The following MLLT6 variants were observed in gnomAD, a reference collection of about 807,000 sequenced individuals.
MLLT6 encodes the protein MLLT6, PHD finger containing.
MLLT6 carries 22 observed loss-of-function variants against 103.0 expected under a neutral mutation model. The observed-to-expected ratio is 0.21, with a 90% confidence interval of 0.15 to 0.31. MLLT6 has a LOEUF of 0.31. Ranked by LOEUF, MLLT6 falls within the 10% of genes least tolerant of loss-of-function variation. MLLT6 has a pLI of 1.00. For synonymous variants in MLLT6, 606 were observed against 623.5 expected (o/e 0.97, Z 0.42); for missense variants, 1,199 against 1,441.7 (o/e 0.83, Z 2.73).
chr17:38,721,808 TG>T, intron 16 of MLLT6, 69 bp from the exon 17 acceptor site: 2 of 1,067,812 alleles, frequency 1.9e-6, no homozygotes, highest in Non-Finnish European at 2.6e-6. Context: ...AGAATGCTGG[TG>T]GGTGCTGGGC....
In MLLT6 at chr17:38,719,324, C is replaced by T. The variant is rs1421417403; in HGVS notation, c.1943-193C>T. On this transcript the variant is annotated intron_variant, in intron 12 of 19. Coordinates refer to ENST00000621332, the MANE Select transcript of MLLT6 (RefSeq NM_005937.4). ...CCAGAGGAGGAAGAGAGCAGATGCC[C>T]GGGGTTTGCCTCCCAGGGGCAGGGT... 4 of 595,240 alleles carry T rather than the reference C, an allele frequency of 6.7e-6. No homozygotes were observed. In the Admixed American group the frequency reaches 8.9e-5, roughly 13 times the overall value. 36.9% of individuals were successfully genotyped at this position (595,240 alleles called of 1,614,324 possible). A position where few individuals can be genotyped will look rare whatever the true frequency, so the allele number is the denominator to read the frequency against.
At chr17:38,720,784 A>G (rs775405824) in intron 16 of MLLT6, 37 bp downstream of exon 16, 8 of 1,577,082 alleles carry the variant, frequency 5.1e-6, no homozygotes, top group Non-Finnish European at 6.1e-6. Flanking sequence ...AAGGAGGGGG[A>G]GACTCAAGGC....
At chr17:38,722,393 T>C (rs1384680261) in intron 17 of MLLT6, among the ~76,000 whole-genome samples, 166 bp downstream of exon 17, 1 of 152,162 alleles carries the variant, frequency 6.6e-6, no homozygotes, top group African/African-American at 2.4e-5. Context: ...CTCCACAGAC[T>C]GTTAGACATG....
chr17:38,712,346 C>T (rs760558993), intron 7 of MLLT6, among the ~76,000 whole-genome samples: 6 of 152,194 alleles, frequency 3.9e-5, no homozygotes, highest in East Asian at 3.8e-4. Flanking sequence ...TGCATTCCCT[C>T]GCGCCACATA....
chr17:38,722,756 G>T lies in MLLT6; in HGVS notation c.2871G>T (p.Pro957=), dbSNP rs750439100. The stretch of plus-strand genomic sequence containing the variant: ...AACTCCAGCAGCTCCTGGCCTCCCC[G>T]CAGCTGACCCCGGTAATGCCCCTCC... ...LQQLQQLLAS[P]QLTPEHQTVV... is the part of the protein sequence containing the mutation. Residue 957 remains proline, a synonymous_variant, in exon 18 of 20, where the codon CCG becomes CCT. Transcript: ENST00000621332. 13 of 1,535,404 alleles carry T rather than the reference G, an allele frequency of 8.5e-6. No individual in the cohort carries two copies. The Admixed American group carries it at 1.3e-4, about 15-fold the overall frequency.
In MLLT6 at chr17:38,729,629, A is replaced by C. The variant is rs887800356; in HGVS notation, c.*4031A>C. 1 of 231,152 alleles carries C rather than the reference A, an allele frequency of 4.3e-6. No individual in the cohort carries two copies. Among genetic ancestry groups the C allele is most frequent in the Admixed American group, 5.7e-5 (1 of 17,680 alleles). 14.3% of individuals were successfully genotyped at this position (231,152 alleles called of 1,614,324 possible). A position where few individuals can be genotyped will look rare whatever the true frequency, so the allele number is the denominator to read the frequency against. ...CTTTTTCATTCTTTCTAAAACCTTG[A>C]TATCCTCAGCCCAAAGGCGATGCCC... is the stretch of plus-strand genomic sequence containing the variant. On this transcript the variant is annotated 3_prime_UTR_variant, in exon 20 of 20. Transcript: ENST00000621332.
At chr17:38,717,745 C>T (rs1388407737) in intron 11 of MLLT6, 100 bp from the exon 12 acceptor site, 7 of 1,357,114 alleles carry the variant, frequency 5.2e-6, no homozygotes, top group Non-Finnish European at 7.3e-6. Flanking sequence ...GCTCTGGACC[C>T]CTCTGCTCCC....
intron 18 of MLLT6, among the ~76,000 whole-genome samples, chr17:38,723,004 C>T (rs929956061): frequency 6.6e-6 from 1 of 152,040 alleles, no homozygotes; most frequent in Non-Finnish European, 1.5e-5. Context: ...AGCCCCAGGT[C>T]GCATCCTGGT....
Position 38,728,873 on chromosome 17 carries a change from C to T in MLLT6, c.*3275C>T. On this transcript the variant is annotated 3_prime_UTR_variant, in exon 20 of 20. Coordinates refer to ENST00000621332, the MANE Select transcript of MLLT6 (RefSeq NM_005937.4). ...TTAGCTCAGAGCTGGTGGATCCTCT[C>T]CATGGACAATGACACTTTAAGGATT... 1 of 233,916 alleles carries T rather than the reference C, an allele frequency of 4.3e-6. No individual in the cohort carries two copies. The highest frequency in any genetic ancestry group is 8.5e-6 in the Non-Finnish European group (1 of 118,162). The allele number at this position is 233,916 out of a possible 1,614,324, so 14.5% of individuals were successfully genotyped here. A position where few individuals can be genotyped will look rare whatever the true frequency, so the allele number is the denominator to read the frequency against.
At position 38,727,634 on chromosome 17, in the gene MLLT6, C is replaced by T. The variant is rs1218971635; in HGVS notation, c.*2036C>T. ...CCTGGCCAACATGGTGAAACCCCGTCTCTATCAAAAATTAGCCGGGCATGG... is the reference window on the plus strand; with the variant it reads ...CCTGGCCAACATGGTGAAACCCCGTTTCTATCAAAAATTAGCCGGGCATGG... On this transcript the variant is annotated 3_prime_UTR_variant, in exon 20 of 20. Coordinates refer to ENST00000621332, the MANE Select transcript of MLLT6 (RefSeq NM_005937.4). 1.6e-5 allele frequency: 3 copies of T among 190,376 alleles called. No individual in the cohort carries two copies. Among genetic ancestry groups the T allele is most frequent in the Non-Finnish European group, 3.3e-5 (3 of 91,024 alleles). 11.8% of individuals were successfully genotyped at this position (190,376 alleles called of 1,614,324 possible).
rs778420434 is a variant in MLLT6 at position 38,707,564 on chromosome 17, G to T, written c.244+24G>T. 5.6e-6 allele frequency: 9 copies of T among 1,610,948 alleles called. No individual in the cohort carries two copies. In the East Asian group the frequency reaches 2.0e-4, roughly 36 times the overall value. On this transcript the variant is annotated intron_variant, in intron 3 of 19. Transcript: ENST00000621332. The stretch of plus-strand genomic sequence containing the variant: ...AGGTGAGGCGGGCTCATCTGCTGAG[G>T]TCAGCAGGGCCCCCTGAGCAGGGTC...
At chr17:38,715,083 T>TA (rs1393004832) in intron 8 of MLLT6, among the ~76,000 whole-genome samples, 1 of 152,104 alleles carries the variant, frequency 6.6e-6, no homozygotes, top group Non-Finnish European at 1.5e-5. Context: ...GGCAAACGCT[T>TA]AGTGTGTGCA....
At position 38,724,855 on chromosome 17, in the gene MLLT6, C is replaced by T. The variant is rs536230215; in HGVS notation, c.3119C>T (p.Ala1040Val). The change falls in exon 19 of 20, where the codon GCC (alanine) becomes GTC (valine). Residue 1040 changes from alanine to valine, a missense_variant. Ala to Val is a moderately conservative substitution (Grantham distance 64). This residue lies in a region of MLLT6 where 55 missense variants were observed against 93.3 expected (regional missense o/e 0.59). Coordinates refer to ENST00000621332, the MANE Select transcript of MLLT6 (RefSeq NM_005937.4). The surrounding 1 kb of genome is among the most constrained non-coding windows in gnomAD (Gnocchi z 5.4). ...CTTGGCAACAACACAAGTCTCATGG[C>T]CGCAGCAGCTGCAGCTGCAGCAGTA... ...PSLGNNTSLM[A>V]AAAAAAAVAA... 1.5e-5 allele frequency: 23 copies of T among 1,577,012 alleles called. No homozygotes were observed. Among genetic ancestry groups the T allele is most frequent in the Non-Finnish European group, 1.8e-5 (21 of 1,161,754 alleles).
rs1322770466 is a variant in MLLT6 at position 38,729,486 on chromosome 17, A to T, written c.*3888A>T. On this transcript the variant is annotated 3_prime_UTR_variant, in exon 20 of 20. Transcript: ENST00000621332. ...CTCAACTTGGGACTTGGGTGGTGGG[A>T]CTGGAGACCTCACCCCTGCTCCCGT... The T allele has an allele frequency of 8.6e-6, 2 of 233,354 alleles. No individual in the cohort carries two copies. Among genetic ancestry groups the T allele is most frequent in the Non-Finnish European group, 1.7e-5 (2 of 117,986 alleles). 14.5% of individuals were successfully genotyped at this position (233,354 alleles called of 1,614,324 possible). A position where few individuals can be genotyped will look rare whatever the true frequency, so the allele number is the denominator to read the frequency against.
At chr17:38,719,365 C>G in intron 12 of MLLT6, 152 bp from the exon 13 acceptor site, 1 of 706,514 alleles carries the variant, frequency 1.4e-6, no homozygotes, top group East Asian at 2.8e-5. Context: ...AGCCAGGGCC[C>G]TCAGCGCTGG....
chr17:38,724,718 C>A lies in MLLT6; in HGVS notation c.2982C>A (p.Ala994=), dbSNP rs528335314. Residue 994 remains alanine (A), a synonymous_variant, in exon 19 of 20, where the codon GCC becomes GCA. Coordinates refer to ENST00000621332, the MANE Select transcript of MLLT6 (RefSeq NM_005937.4). This position sits in a 1 kb window ranked among gnomAD's most constrained non-coding sequence, Gnocchi z 5.4. ...CTGGGGGCTCCCAGCTGCCCATGGC[C>A]AGCCTGCTGGCAGGAAGCTCCACCC... ...QMAGGSQLPM[A]SLLAGSSTPL... 11 of 1,612,824 alleles carry A rather than the reference C, an allele frequency of 6.8e-6. No individual in the cohort carries two copies. Among genetic ancestry groups the A allele is most frequent in the Non-Finnish European group, 9.3e-6 (11 of 1,179,714 alleles).
chr17:38,710,726 A>C (rs1044257971), intron 6 of MLLT6, among the ~76,000 whole-genome samples: 1 of 152,128 alleles, frequency 6.6e-6, no homozygotes, highest in Non-Finnish European at 1.5e-5. Flanking sequence ...ACATGTCCTG[A>C]TTTGCCCCAG....
Position 38,721,887 on chromosome 17 carries a change from T to C in MLLT6, c.2452T>C (p.Ser818Pro). The change falls in exon 17 of 20, where the codon TCA (serine) becomes CCA (proline). Residue 818 changes from serine to proline, a missense_variant. Coordinates refer to ENST00000621332, the MANE Select transcript of MLLT6 (RefSeq NM_005937.4). Reference sequence around the variant, plus strand: ...CCCCCTCCCTCCCCAGGACCCACACTCAGGCTGCCCGAGCCGCAGCAGCTC... The same window carrying C: ...CCCCCTCCCTCCCCAGGACCCACACCCAGGCTGCCCGAGCCGCAGCAGCTC... ...SLSTSSEDPH[S>P]GCPSRSSSSL... is the part of the protein sequence containing the mutation. 1 of 1,464,098 alleles carries C rather than the reference T, an allele frequency of 6.8e-7. No individual in the cohort carries two copies. Among genetic ancestry groups the C allele is most frequent in the Non-Finnish European group, 9.3e-7 (1 of 1,079,856 alleles). 90.7% of individuals were successfully genotyped at this position (1,464,098 alleles called of 1,614,324 possible). A position where few individuals can be genotyped will look rare whatever the true frequency, so the allele number is the denominator to read the frequency against.
chr17:38,716,272 C>A lies in MLLT6; in HGVS notation c.1037-95C>A, dbSNP rs532736628. On this transcript the variant is annotated intron_variant, in intron 9 of 19. Transcript: ENST00000621332. This position sits in a 1 kb window ranked among gnomAD's most constrained non-coding sequence, Gnocchi z 5.6. ...AGACAGGAAACCAGGCATCCCCATT[C>A]GTGGACCAGAGCTCTCTCCCGCCAG... 2 of 1,325,092 alleles carry A rather than the reference C, an allele frequency of 1.5e-6. No homozygotes were observed. The highest frequency in any genetic ancestry group is 1.0e-6 in the Non-Finnish European group (1 of 955,770). 82.1% of individuals were successfully genotyped at this position (1,325,092 alleles called of 1,614,324 possible). A position where few individuals can be genotyped will look rare whatever the true frequency, so the allele number is the denominator to read the frequency against.
Sources: gnomAD v4.1 joint callset for allele counts (sites outside exome capture counted in the v4.1 genomes callset) on GRCh38, gnomAD v4.1.1 for gene constraint, gnomAD v4.1.1 regional missense constraint, Gnocchi (gnomAD v3.1) non-coding constraint, MANE v1.5 for transcripts, NCBI Gene and HGNC (gene_info 2026-07-23, HGNC 2026-07-21) for gene names.